The following ZNF225 variants were observed in gnomAD, a reference collection of about 807,000 sequenced individuals.
ZNF225 encodes zinc finger protein 225.
Under a neutral mutation model 12.0 loss-of-function variants are expected in ZNF225, and 6 were observed. That is an observed-to-expected ratio of 0.50 (90% CI 0.27 to 0.98). The LOEUF is 0.98. Ranked by LOEUF, ZNF225 falls within the 50% of genes least tolerant of loss-of-function variation. The probability of loss-of-function intolerance (pLI) is 0.11; values close to 1 mark genes in which losing one functional copy is unlikely to be tolerated. For synonymous variants in ZNF225, 271 were observed against 283.2 expected, an observed-to-expected ratio of 0.96 and a Z score of 0.43; for missense variants, 763 against 848.2, an observed-to-expected ratio of 0.90 and a Z score of 1.25.
At chr19:44,115,138 C>A (rs1967916661) in intron 1 of ZNF225, among the ~76,000 whole-genome samples, 1 of 121,728 alleles carries the variant, frequency 8.2e-6, no homozygotes, top group African/African-American at 3.1e-5. Flanking sequence ...GATCCAGAAT[C>A]CAGTCTTATT....
rs1291030421 is a variant in ZNF225, at chr19:44,132,215, A to G, written c.1601A>G (p.His534Arg). ...CAACTTTATTCTCATCGCAGAGTCC[A>G]CACTGGAGTAAAGCCATACAAATGT... is the stretch of plus-strand genomic sequence containing the variant. Reference protein sequence around the residue: ...NSQLYSHRRVHTGVKPYKCEE... With the variant: ...NSQLYSHRRVRTGVKPYKCEE... The change falls in exon 5 of 5, where the codon CAC becomes CGC. Residue 534 changes from histidine (H) to arginine (R), a missense_variant. Coordinates refer to ENST00000262894, the MANE Select transcript of ZNF225 (RefSeq NM_013362.4). 1.9e-6 allele frequency: 3 copies of G among 1,613,996 alleles called. No homozygotes were observed. The highest frequency in any genetic ancestry group is 1.7e-6 in the Non-Finnish European group (2 of 1,180,042).
intron 4 of ZNF225, among the ~76,000 whole-genome samples, chr19:44,120,291 T>C (rs371327561): frequency 6.6e-6 from 1 of 152,234 alleles, no homozygotes; most frequent in African/African-American, 2.4e-5. Flanking sequence ...TATTTCTGTT[T>C]ACCTGTCACT....
Position 44,118,266 on chromosome 19 carries a change from CTG to C in ZNF225, c.96_97del (p.Tyr33ProfsTer63). On this transcript the variant is annotated frameshift_variant, in exon 3 of 5. Transcript: ENST00000262894. LOFTEE classifies it high-confidence loss of function. ...LRLLDLAQRK[L>X]YREVMLENFR... ...GCTGCTGGACCTTGCCCAGAGGAAA[CTG>C]TACCGAGAAGTGATGCTGGAGAACT... 6.2e-7 allele frequency: 1 copy of C among 1,613,508 alleles called. No homozygotes were observed. The highest frequency in any genetic ancestry group is 8.5e-7 in the Non-Finnish European group (1 of 1,179,752).
chr19:44,118,111 C>T (rs982122320), intron 2 of ZNF225, 77 bp from the exon 3 acceptor site: 39 of 1,502,216 alleles, frequency 2.6e-5, no homozygotes, highest in East Asian at 4.8e-5. Context: ...CATTCCTCCC[C>T]TCTGTCTGCT....
intron 4 of ZNF225, 104 bp from the exon 5 acceptor site, chr19:44,130,746 C>T (rs147881144): frequency 5.6e-6 from 4 of 712,582 alleles, no homozygotes; most frequent in African/African-American, 5.4e-5. Flanking sequence ...TCTGAACATT[C>T]CCTATATTTA....
At chr19:44,114,867 C>CATTGGTG in intron 1 of ZNF225, among the ~76,000 whole-genome samples, 1 of 152,298 alleles carries the variant, frequency 6.6e-6, no homozygotes, top group East Asian at 1.9e-4. Flanking sequence ...TTTGTCACTT[C>CATTGGTG]ATTGGTGATC....
In ZNF225 at chr19:44,134,316, G is replaced by T. The variant is rs566676905; in HGVS notation, c.*1581G>T. ...TAATCATGTAGGTACCATCCCTCTG[G>T]TACATATCAAGATTCTAGACTCCAA... On this transcript the variant is annotated 3_prime_UTR_variant, in exon 5 of 5. Transcript: ENST00000262894. The T allele has an allele frequency of 6.6e-6, 1 of 152,158 alleles. No homozygotes were observed. Among genetic ancestry groups the T allele is most frequent in the African/African-American group, 2.4e-5 (1 of 41,508 alleles). 9.4% of individuals were successfully genotyped at this position (152,158 alleles called of 1,614,324 possible).
At chr19:44,128,933 A>C in intron 4 of ZNF225, 1 of 570,398 alleles carries the variant, frequency 1.8e-6, no homozygotes. Flanking sequence ...CAATAACTTC[A>C]CATGGAACCA....
At chr19:44,129,837 G>C (rs1189802945) in intron 4 of ZNF225, 2 of 152,196 alleles carry the variant, frequency 1.3e-5, no homozygotes. Context: ...TTGCCTCTCA[G>C]ATGCTGAGGA....
rs888944504 is a variant in ZNF225, at chr19:44,130,883, C to T, written c.269C>T (p.Ser90Leu). The change falls in exon 5 of 5, where the codon TCA becomes TTA. Residue 90 changes from serine (S) to leucine (L), a missense_variant. Physicochemically the swap from Ser to Leu is moderately radical, Grantham distance 145 (BLOSUM62 -2). Coordinates refer to ENST00000262894, the MANE Select transcript of ZNF225 (RefSeq NM_013362.4). ...ATCCAAATGGAGATGGAGACTGTTT[C>T]AGAATCAGGAACACATGAAGGCTTG... ...GKIQMEMETV[S>L]ESGTHEGLFS... 31 of 1,613,170 alleles carry T rather than the reference C, an allele frequency of 1.9e-5. No homozygotes were observed. The highest frequency in any genetic ancestry group is 2.5e-5 in the Non-Finnish European group (30 of 1,179,664).
chr19:44,130,941 T>A lies in ZNF225; in HGVS notation c.327T>A (p.Ser109Arg), dbSNP rs775502326. Reference protein sequence around the residue: ...FSHQTWEQISSDLTRFQDSMV... With the variant: ...FSHQTWEQISRDLTRFQDSMV... The stretch of plus-strand genomic sequence containing the variant: ...ATCAAACCTGGGAACAAATTTCAAG[T>A]GACTTAACCAGGTTTCAAGACTCCA... Residue 109 changes from serine (S) to arginine (R), a missense_variant, in exon 5 of 5, where the codon AGT becomes AGA. Ser to Arg is a moderately radical substitution (Grantham distance 110). Coordinates refer to ENST00000262894, the MANE Select transcript of ZNF225 (RefSeq NM_013362.4). The A allele has an allele frequency of 6.2e-7, 1 of 1,614,066 alleles. No homozygotes were observed. Among genetic ancestry groups the A allele is most frequent in the Non-Finnish European group, 8.5e-7 (1 of 1,180,002 alleles).
At position 44,131,838 on chromosome 19, in the gene ZNF225, A is replaced by T; in HGVS notation, c.1224A>T (p.Gly408=). The part of the protein sequence containing the change: ...TTFKCEECGK[G]FYTNSQRYSH... ...TCAAATGTGAAGAATGTGGGAAGGG[A>T]TTTTATACAAATTCACAACGTTATT... Residue 408 remains glycine (G), a synonymous_variant, in exon 5 of 5, where the codon GGA becomes GGT. Coordinates refer to ENST00000262894, the MANE Select transcript of ZNF225 (RefSeq NM_013362.4). 6.2e-7 allele frequency: 1 copy of T among 1,613,990 alleles called. No individual in the cohort carries two copies. Among genetic ancestry groups the T allele is most frequent in the Non-Finnish European group, 8.5e-7 (1 of 1,179,982 alleles).
At chr19:44,129,130 C>G in intron 4 of ZNF225, 1 of 1,228,106 alleles carries the variant, frequency 8.1e-7, no homozygotes. Context: ...TCAGTACAGA[C>G]AAATGAGATT....
intron 4 of ZNF225, among the ~76,000 whole-genome samples, chr19:44,118,934 A>C (rs907565803): frequency 6.6e-6 from 1 of 151,152 alleles, no homozygotes; most frequent in Admixed American, 6.6e-5. Flanking sequence ...CTCCTGCCTC[A>C]GCCTCCTGAG....
chr19:44,121,076 T>A (rs1205787894), intron 4 of ZNF225, among the ~76,000 whole-genome samples: 1 of 152,158 alleles, frequency 6.6e-6, no homozygotes, highest in African/African-American at 2.4e-5. Context: ...TTTTTTATAT[T>A]TTTAGTAGAT....
At chr19:44,127,089 A>G (rs1175983110) in intron 4 of ZNF225, among the ~76,000 whole-genome samples, 1 of 152,260 alleles carries the variant, frequency 6.6e-6, no homozygotes, top group African/African-American at 2.4e-5. Context: ...TATAAAGTTC[A>G]GCTGGATACT....
chr19:44,125,570 G>C (rs1409108659), intron 4 of ZNF225, among the ~76,000 whole-genome samples: 1 of 152,122 alleles, frequency 6.6e-6, no homozygotes, highest in Admixed American at 6.5e-5. Context: ...CTTGTATTTG[G>C]TTGTCTAGGT....
rs1364382988 is a variant in ZNF225, at chr19:44,133,951, T to G, written c.*1216T>G. Reference sequence around the variant, plus strand: ...TTTATACTTAATGTTCTAGACTGTATCTTTTCAGGATGCTAGGTACTTTAT... The same window carrying G: ...TTTATACTTAATGTTCTAGACTGTAGCTTTTCAGGATGCTAGGTACTTTAT... On this transcript the variant is annotated 3_prime_UTR_variant, in exon 5 of 5. Transcript: ENST00000262894. 6.6e-6 allele frequency: 1 copy of G among 151,992 alleles called. No homozygotes were observed. Among genetic ancestry groups the G allele is most frequent in the Admixed American group, 6.6e-5 (1 of 15,254 alleles). The allele number at this position is 151,992 out of a possible 1,614,324, so 9.4% of individuals were successfully genotyped here.
chr19:44,122,454 T>G (rs942666657), intron 4 of ZNF225, among the ~76,000 whole-genome samples: 1 of 152,340 alleles, frequency 6.6e-6, no homozygotes, highest in Admixed American at 6.5e-5. Flanking sequence ...TTGTTCTTTT[T>G]GCTTTAGTCT....
Sources: gnomAD v4.1 joint callset for allele counts (sites outside exome capture counted in the v4.1 genomes callset) on GRCh38, gnomAD v4.1.1 for gene constraint, MANE v1.5 for transcripts, NCBI Gene and HGNC (gene_info 2026-07-23, HGNC 2026-07-21) for gene names.